Variants in PRKG1 observed in about 807,000 individuals in gnomAD.
PRKG1 encodes the protein protein kinase cGMP-dependent 1.
In PRKG1, 35 loss-of-function variants were observed where a neutral mutation model predicts 88.1. The observed-to-expected ratio is 0.40, with a 90% confidence interval of 0.30 to 0.53. The LOEUF (loss-of-function observed/expected upper bound fraction) is 0.53. Ranked by LOEUF, PRKG1 falls within the 20% of genes least tolerant of loss-of-function variation. PRKG1 has a pLI of 0.59. For synonymous variants in PRKG1, 303 were observed against 292.5 expected, an observed-to-expected ratio of 1.04 and a Z score of -0.37; for missense variants, 540 against 839.8, an observed-to-expected ratio of 0.64 and a Z score of 4.41.
At chr10:52,241,500 G>A (rs952831959) in intron 9 of PRKG1, among the ~76,000 whole-genome samples, 1 of 152,176 alleles carries the variant, frequency 6.6e-6, no homozygotes, top group African/African-American at 2.4e-5. Context: ...AGAGGCCATG[G>A]AGGGTAACTT....
intron 3 of PRKG1, among the ~76,000 whole-genome samples, chr10:51,687,886 A>T (rs1297459416): frequency 6.6e-6 from 1 of 152,188 alleles, no homozygotes; most frequent in Non-Finnish European, 1.5e-5. Context: ...ATGCTGTCTT[A>T]GGTTTCCCAG....
At chr10:52,043,927 A>AAAAG (rs1554796197) in intron 5 of PRKG1, among the ~76,000 whole-genome samples, 1 of 149,604 alleles carries the variant, frequency 6.7e-6, no homozygotes, top group Non-Finnish European at 1.5e-5. Flanking sequence ...GAAAAAAAAA[A>AAAAG]AAAACCCAAG....
intron 3 of PRKG1, among the ~76,000 whole-genome samples, chr10:51,576,687 G>T (rs1029754534): frequency 4.6e-5 from 7 of 151,866 alleles, no homozygotes; most frequent in African/African-American, 1.7e-4. Context: ...AGGTAAGAGA[G>T]CAATATCCCA....
intron 5 of PRKG1, among the ~76,000 whole-genome samples, chr10:51,928,348 A>G (rs957656701): frequency 6.6e-6 from 1 of 152,198 alleles, no homozygotes; most frequent in Non-Finnish European, 1.5e-5. Flanking sequence ...CCTAAGATGA[A>G]TATCAGCAAT....
Position 51,975,162 on chromosome 10 carries a change from C to T in PRKG1, c.762+67592C>T, listed in dbSNP as rs948465310. Reference sequence around the variant, plus strand: ...GATATTTATAAGTAACCATAAAATACGGGCTTCATAGGTCCATTTTATAGT... The same window carrying T: ...GATATTTATAAGTAACCATAAAATATGGGCTTCATAGGTCCATTTTATAGT... On this transcript the variant is annotated intron_variant, in intron 5 of 17. Transcript: ENST00000373980. Among the ~76,000 whole-genome samples the T allele has an allele frequency of 6.6e-5, 10 of 151,990 alleles. No individual in the cohort carries two copies. The East Asian group carries it at 9.6e-4, about 15-fold the overall frequency.
intron 3 of PRKG1, among the ~76,000 whole-genome samples, chr10:51,785,882 T>A (rs1202461971): frequency 1.3e-5 from 2 of 152,194 alleles, no homozygotes; most frequent in Non-Finnish European, 1.5e-5. Flanking sequence ...AATAGATCAA[T>A]AGTTACTTAA....
At chr10:52,106,705 A>AAATAATAATAATAATAAT (rs57109678) in intron 7 of PRKG1, among the ~76,000 whole-genome samples, 1 of 140,048 alleles carries the variant, frequency 7.1e-6, no homozygotes, top group Non-Finnish European at 1.5e-5. Flanking sequence ...CTCTGTCCCA[A>AAATAATAATAATAATAAT]AATAATAATA....
At chr10:52,160,765 T>C (rs1838256559) in intron 8 of PRKG1, among the ~76,000 whole-genome samples, 1 of 152,066 alleles carries the variant, frequency 6.6e-6, no homozygotes, top group Admixed American at 6.6e-5. Flanking sequence ...ACCATTTACA[T>C]GTATTAAGCT....
chr10:51,331,585 T>C (rs1841742833), intron 2 of PRKG1, among the ~76,000 whole-genome samples: 1 of 152,212 alleles, frequency 6.6e-6, no homozygotes, highest in Admixed American at 6.5e-5. Context: ...GGAGGGATGA[T>C]GTGAGTAATG....
At chr10:52,015,312 G>A (rs11000467) in intron 5 of PRKG1, among the ~76,000 whole-genome samples, 1 of 152,102 alleles carries the variant, frequency 6.6e-6, no homozygotes, top group South Asian at 2.1e-4. Flanking sequence ...CCACGGTTTG[G>A]GGCTTGAACC....
chr10:51,195,547 C>A (rs766335471), intron 2 of PRKG1, among the ~76,000 whole-genome samples: 27 of 152,114 alleles, frequency 1.8e-4, no homozygotes, highest in Middle Eastern at 3.4e-3. Context: ...ATTTTATTTT[C>A]TTTTTATTAG....
intron 2 of PRKG1, among the ~76,000 whole-genome samples, chr10:51,247,369 T>C (rs896356055): frequency 5.3e-5 from 8 of 152,040 alleles, no homozygotes; most frequent in Admixed American, 4.6e-4. Context: ...GATATCTATT[T>C]AAATCAGAAA....
intron 1 of PRKG1, among the ~76,000 whole-genome samples, chr10:51,106,167 TG>T: frequency 6.6e-6 from 1 of 152,362 alleles, no homozygotes; most frequent in Non-Finnish European, 1.5e-5. Flanking sequence ...AGCCTCTCTA[TG>T]CCTCAGTTTC....
chr10:51,271,976 C>T (rs1307703341), intron 2 of PRKG1, among the ~76,000 whole-genome samples: 2 of 152,106 alleles, frequency 1.3e-5, no homozygotes, highest in Non-Finnish European at 2.9e-5. Flanking sequence ...GATTCTAGAT[C>T]CTTGAAGAAT....
intron 3 of PRKG1, among the ~76,000 whole-genome samples, chr10:51,527,745 C>A: frequency 6.6e-6 from 1 of 152,280 alleles, no homozygotes; most frequent in East Asian, 1.9e-4. Flanking sequence ...GCAAAGATAG[C>A]AGTAGAGTTA....
intron 8 of PRKG1, among the ~76,000 whole-genome samples, chr10:52,150,156 A>AAT (rs1554810258): frequency 5.4e-5 from 4 of 73,632 alleles, no homozygotes; most frequent in Non-Finnish European, 1.5e-4. Context: ...TCAAAATAAT[A>AAT]ATAATAATAA....
At chr10:51,302,363 A>G (rs1203318823) in intron 2 of PRKG1, among the ~76,000 whole-genome samples, 1 of 152,182 alleles carries the variant, frequency 6.6e-6, no homozygotes, top group Admixed American at 6.5e-5. Context: ...GTAATTTGAG[A>G]TAAAGAGTTA....
At chr10:51,012,489 C>T (rs929261348) in intron 1 of PRKG1, among the ~76,000 whole-genome samples, 12 of 152,216 alleles carry the variant, frequency 7.9e-5, no homozygotes, top group South Asian at 2.1e-4. Flanking sequence ...TACCTCCCTT[C>T]CAAGACCATC....
intron 2 of PRKG1, among the ~76,000 whole-genome samples, chr10:51,447,568 C>G (rs1157592917): frequency 1.3e-5 from 2 of 152,034 alleles, no homozygotes; most frequent in African/African-American, 4.8e-5. Flanking sequence ...ATCCTATTTC[C>G]TTAACTTTAA....
Sources: gnomAD v4.1 joint callset for allele counts (sites outside exome capture counted in the v4.1 genomes callset) on GRCh38, gnomAD v4.1.1 for gene constraint, MANE v1.5 for transcripts, NCBI Gene and HGNC (gene_info 2026-07-23, HGNC 2026-07-21) for gene names.